MYH9: variants seen among roughly 807,000 people sequenced by gnomAD.
MYH9 encodes the protein myosin heavy chain 9, also known as myosin-9.
Under a neutral mutation model 241.9 loss-of-function variants are expected in MYH9, and 29 were observed. The observed-to-expected ratio is 0.12, with a 90% CI of 0.09 to 0.16. MYH9 has a LOEUF of 0.16. Ranked by LOEUF, MYH9 falls within the 10% of genes least tolerant of loss-of-function variation. MYH9 has a pLI of 1.00. For synonymous variants in MYH9, 1,047 were observed against 1,062.6 expected (o/e 0.99, Z 0.29); for missense variants, 1,803 against 2,595.5 (o/e 0.69, Z 6.63).
intron 40 of MYH9, 111 bp downstream of exon 40, chr22:36,283,982 G>C: frequency 7.6e-7 from 1 of 1,320,650 alleles, no homozygotes; most frequent in East Asian, 2.3e-5. Context: ...ATTGCTTTGT[G>C]CAGTCCTTTC....
rs2016562388 is a variant in MYH9, at chr22:36,285,356, G to C, written c.5275-27C>G. On this transcript the variant is annotated intron_variant, in intron 37 of 40. Transcript: ENST00000216181. The surrounding 1 kb of genome is among the most constrained non-coding windows in gnomAD (Gnocchi z 7.0). ...TGCAGAAGAAGGGCCAGTGACCTTG[G>C]GGAGGGCTGGGGCCCTGGCTGGAGG... The C allele has an allele frequency of 6.2e-7, 1 of 1,601,126 alleles. No individual in the cohort carries two copies. The highest frequency in any genetic ancestry group is 2.2e-5 in the East Asian group (1 of 44,862).
At chr22:36,284,070 G>A in intron 40 of MYH9, 23 bp downstream of exon 40, 1 of 1,613,852 alleles carries the variant, frequency 6.2e-7, no homozygotes, top group Non-Finnish European at 8.5e-7. Flanking sequence ...GAGGCAAAGG[G>A]GCGGGTGGGC....
chr22:36,343,159 G>A (rs1442541326), intron 2 of MYH9, among the ~76,000 whole-genome samples: 1 of 152,222 alleles, frequency 6.6e-6, no homozygotes, highest in Non-Finnish European at 1.5e-5. Context: ...ACTGGCCAAA[G>A]GCTATGGCAC....
chr22:36,289,749 C>G (rs1230256630), intron 31 of MYH9, among the ~76,000 whole-genome samples: 2 of 152,176 alleles, frequency 1.3e-5, no homozygotes, highest in African/African-American at 4.8e-5. Flanking sequence ...CATCTGTTCT[C>G]TGTGTGCACC....
chr22:36,344,729 T>C (rs1181375374), intron 2 of MYH9, among the ~76,000 whole-genome samples: 1 of 152,102 alleles, frequency 6.6e-6, no homozygotes, highest in Non-Finnish European at 1.5e-5. Flanking sequence ...GTAAAACCTC[T>C]GCGTGTGGCT....
chr22:36,288,603 G>C lies in MYH9; in HGVS notation c.4770+124C>G. On this transcript the variant is annotated intron_variant, in intron 33 of 40. Transcript: ENST00000216181. The surrounding 1 kb of genome is among the most constrained non-coding windows in gnomAD (Gnocchi z 4.8). ...CCCGAGACAGGAGGCTAGAAAGAAG[G>C]AATATGGGAGGGGAGGCGTGGTCAA... 1 of 1,339,578 alleles carries C rather than the reference G, an allele frequency of 7.5e-7. No individual in the cohort carries two copies. Among genetic ancestry groups the C allele is most frequent in the South Asian group, 1.2e-5 (1 of 84,970 alleles). The allele number at this position is 1,339,578 out of a possible 1,614,324, so 83.0% of individuals were successfully genotyped here.
chr22:36,289,740 A>G (rs1340083506), intron 31 of MYH9, among the ~76,000 whole-genome samples: 1 of 152,006 alleles, frequency 6.6e-6, no homozygotes, highest in African/African-American at 2.4e-5. Flanking sequence ...GTCCCCTGGC[A>G]TCTGTTCTCT....
chr22:36,295,534 C>A lies in MYH9; in HGVS notation c.3456G>T (p.Leu1152=). Reference sequence around the variant, plus strand: ...GCTCCTGCTGGGCAGCTGTGGAATCCAGCGTGTCCTCCAACTCTGTTTTCA... The same window carrying A: ...GCTCCTGCTGGGCAGCTGTGGAATCAAGCGTGTCCTCCAACTCTGTTTTCA... ...EALKTELEDT[L]DSTAAQQELR... The change falls in exon 26 of 41, where the codon CTG becomes CTT. Residue 1152 remains leucine, a synonymous_variant. Transcript: ENST00000216181. The surrounding 1 kb of genome is among the most constrained non-coding windows in gnomAD (Gnocchi z 4.1). The A allele has an allele frequency of 1.2e-6, 2 of 1,613,426 alleles. No individual in the cohort carries two copies. Among genetic ancestry groups the A allele is most frequent in the Non-Finnish European group, 1.7e-6 (2 of 1,180,016 alleles).
At chr22:36,334,162 AAAG>A (rs894219312) in intron 3 of MYH9, among the ~76,000 whole-genome samples, 7 of 152,118 alleles carry the variant, frequency 4.6e-5, no homozygotes, top group African/African-American at 9.7e-5. Context: ...CCTCTTCTAG[AAAG>A]AAGAAGTTCT....
chr22:36,362,786 T>G (rs776005592), intron 1 of MYH9, among the ~76,000 whole-genome samples: 1 of 152,126 alleles, frequency 6.6e-6, no homozygotes, highest in Non-Finnish European at 1.5e-5. Flanking sequence ...TGAAACCATT[T>G]CTTAATGAAT....
At chr22:36,351,964 A>G (rs775970077) in intron 1 of MYH9, among the ~76,000 whole-genome samples, 4 of 152,104 alleles carry the variant, frequency 2.6e-5, no homozygotes, top group African/African-American at 4.8e-5. Flanking sequence ...CTAACTGGCA[A>G]CCATCCTGGG....
chr22:36,309,418 G>A (rs772895936), intron 14 of MYH9, 22 bp from the exon 15 acceptor site: 1 of 1,584,794 alleles, frequency 6.3e-7, no homozygotes, highest in Admixed American at 1.7e-5. Context: ...AGAGAGGCAG[G>A]AGTCACAAGC....
In MYH9 at chr22:36,349,209, G is replaced by A; in HGVS notation, c.28C>T (p.Leu10Phe). Residue 10 changes from leucine to phenylalanine, a missense_variant, in exon 2 of 41, where the codon CTC becomes TTC. Physicochemically the swap from Leu to Phe is conservative, Grantham distance 22 (BLOSUM62 0). Coordinates refer to ENST00000216181, the MANE Select transcript of MYH9 (RefSeq NM_002473.6). MAQQAADKY[L>F]YVDKNFINNP... The stretch of plus-strand genomic sequence containing the variant: ...TTGATGAAGTTTTTATCCACATAGA[G>A]ATACTTATCGGCAGCTTGCTGTGCC... The A allele has an allele frequency of 6.2e-7, 1 of 1,614,174 alleles. No individual in the cohort carries two copies. The highest frequency in any genetic ancestry group is 8.5e-7 in the Non-Finnish European group (1 of 1,180,048).
Position 36,289,317 on chromosome 22 carries a change from C to T in MYH9, c.4345-20G>A. On this transcript the variant is annotated intron_variant, in intron 31 of 40. Transcript: ENST00000216181. The stretch of plus-strand genomic sequence containing the variant: ...CAGGAGCTGGGAAAGAGGTGGGCAC[C>T]ATGAGGCTCAGAGCTACGGCCCCCA... 1 of 1,595,370 alleles carries T rather than the reference C, an allele frequency of 6.3e-7. No homozygotes were observed. The highest frequency in any genetic ancestry group is 8.5e-7 in the Non-Finnish European group (1 of 1,171,864).
At chr22:36,284,548 T>C in intron 38 of MYH9, 37 bp from the exon 39 acceptor site, 1 of 1,596,158 alleles carries the variant, frequency 6.3e-7, no homozygotes, top group Non-Finnish European at 8.6e-7. Context: ...GGGAACACCC[T>C]CCTTCAGAGG....
rs1603482703 is a variant in MYH9 at position 36,284,594 on chromosome 22, C to T, written c.5484-83G>A. 9 of 1,324,736 alleles carry T rather than the reference C, an allele frequency of 6.8e-6. No individual in the cohort carries two copies. In the East Asian group the frequency reaches 2.1e-4, roughly 32 times the overall value. 82.1% of individuals were successfully genotyped at this position (1,324,736 alleles called of 1,614,324 possible). On this transcript the variant is annotated intron_variant, in intron 38 of 40. Coordinates refer to ENST00000216181, the MANE Select transcript of MYH9 (RefSeq NM_002473.6). ...CAAGCCCTAACCAGGACCACCCATT[C>T]CCCGGGGCTCACTGGCATCTAGGGA...
At chr22:36,374,476 T>C (rs2146419890) in intron 1 of MYH9, among the ~76,000 whole-genome samples, 1 of 152,324 alleles carries the variant, frequency 6.6e-6, no homozygotes, top group Admixed American at 6.5e-5. Context: ...GCCAAGATTG[T>C]GACAGTACAC....
chr22:36,377,335 T>C (rs959355575), intron 1 of MYH9, among the ~76,000 whole-genome samples: 1 of 152,130 alleles, frequency 6.6e-6, no homozygotes, highest in Non-Finnish European at 1.5e-5. Flanking sequence ...AGTGACTTAA[T>C]GTGAAACACA....
At chr22:36,303,708 G>T (rs908001629) in intron 19 of MYH9, among the ~76,000 whole-genome samples, 1 of 150,828 alleles carries the variant, frequency 6.6e-6, no homozygotes, top group Non-Finnish European at 1.5e-5. Context: ...TCACTTGAAC[G>T]TGGGAGGTGG....
Sources: allele counts gnomAD v4.1 joint callset (sites outside exome capture counted in the v4.1 genomes callset), GRCh38; gene constraint gnomAD v4.1.1; non-coding constraint Gnocchi (gnomAD v3.1); transcripts MANE v1.5; gene names NCBI Gene and HGNC (gene_info 2026-07-23, HGNC 2026-07-21).